Variants in SDK1 observed in about 807,000 individuals in gnomAD.
The protein encoded by SDK1 is sidekick cell adhesion molecule 1, also known as protein sidekick-1.
A neutral mutation model predicts 245.5 loss-of-function variants in SDK1; 157 were observed. The observed-to-expected ratio is 0.64, with a 90% CI of 0.56 to 0.73. The LOEUF (loss-of-function observed/expected upper bound fraction) is 0.73, where lower values mean the gene tolerates loss of function less well. Ranked by LOEUF, SDK1 falls within the 30% of genes least tolerant of loss-of-function variation. SDK1 has a pLI of 0.00. For missense variants in SDK1, 3,583 were observed against 3,002.3 expected (o/e 1.19, Z -4.52); for synonymous variants, 1,647 against 1,278.5 (o/e 1.29, Z -6.15).
chr7:4,083,787 T>TTTAC (rs1781251183), intron 22 of SDK1, among the ~76,000 whole-genome samples: 3 of 81,706 alleles, frequency 3.7e-5, no homozygotes, highest in Non-Finnish European at 5.5e-5. Context: ...TCCTCCCTCC[T>TTTAC]TTCCTCTCTC....
chr7:3,580,599 G>T (rs1230816559), intron 1 of SDK1, among the ~76,000 whole-genome samples: 1 of 151,990 alleles, frequency 6.6e-6, no homozygotes, highest in Non-Finnish European at 1.5e-5. Context: ...ATATGCAGGG[G>T]ATTTTTTTAC....
At position 4,195,434 on chromosome 7, in the gene SDK1, G is replaced by A. The variant is rs115648516; in HGVS notation, c.5099-10445G>A. On this transcript the variant is annotated intron_variant, in intron 35 of 44. Coordinates refer to ENST00000404826, the MANE Select transcript of SDK1 (RefSeq NM_152744.4). Reference sequence around the variant, plus strand: ...GTTTCTTGGGGCTCAGCTTTTCCCCGTCCCTCCCCCACGTCACTCTCCATC... The same window carrying A: ...GTTTCTTGGGGCTCAGCTTTTCCCCATCCCTCCCCCACGTCACTCTCCATC... 8.5e-3 allele frequency among the ~76,000 whole-genome samples: 1,290 copies of A among 152,038 alleles called. 18 individuals are homozygous for A. Among genetic ancestry groups the A allele is most frequent in the African/African-American group, 0.03 (1,237 of 41,460 alleles).
chr7:3,357,797 A>G (rs1780845932), intron 1 of SDK1, among the ~76,000 whole-genome samples: 4 of 152,156 alleles, frequency 2.6e-5, no homozygotes. Context: ...AAAACCAAAC[A>G]GTAAACTCTG....
chr7:4,206,961 C>T (rs1784258548), intron 36 of SDK1, among the ~76,000 whole-genome samples: 1 of 152,240 alleles, frequency 6.6e-6, no homozygotes, highest in Non-Finnish European at 1.5e-5. Flanking sequence ...GCCCCATGAG[C>T]TTGGAGGCAT....
intron 1 of SDK1, among the ~76,000 whole-genome samples, chr7:3,368,037 T>C (rs1781134328): frequency 6.6e-6 from 1 of 152,218 alleles, no homozygotes; most frequent in Admixed American, 6.5e-5. Flanking sequence ...AGATCTCTTA[T>C]TGCAGAAGTT....
chr7:3,350,195 C>T lies in SDK1; in HGVS notation c.298+48311C>T, dbSNP rs139895058. Among the ~76,000 whole-genome samples the T allele has an allele frequency of 1.1e-4, 17 of 152,234 alleles. No homozygotes were observed. The South Asian group carries it at 3.3e-3, about 30-fold the overall frequency. On this transcript the variant is annotated intron_variant, in intron 1 of 44. Transcript: ENST00000404826. ...AAGGAGAGAGTGGGAGACACTCAGT[C>T]TATCAGAAAACATAGGATGGATGTG... is the stretch of plus-strand genomic sequence containing the variant.
At chr7:3,388,072 C>T (rs780632477) in intron 1 of SDK1, among the ~76,000 whole-genome samples, 4 of 152,154 alleles carry the variant, frequency 2.6e-5, no homozygotes, top group Non-Finnish European at 5.9e-5. Flanking sequence ...AGATAGAAGG[C>T]ACTCTGGGAA....
chr7:3,495,992 C>G (rs537019660), intron 1 of SDK1, among the ~76,000 whole-genome samples: 1 of 152,086 alleles, frequency 6.6e-6, no homozygotes, highest in Non-Finnish European at 1.5e-5. Context: ...CTCAGTGGCC[C>G]GTCACTATAA....
Position 3,716,798 on chromosome 7 carries a change from C to A in SDK1, c.713+74693C>A, listed in dbSNP as rs190254414. Among the ~76,000 whole-genome samples, 364 of 150,296 alleles carry A rather than the reference C, an allele frequency of 2.4e-3. 2 individuals carry two copies. Among genetic ancestry groups the A allele is most frequent in the African/African-American group, 8.5e-3 (348 of 41,038 alleles). The stretch of plus-strand genomic sequence containing the variant: ...AAAAAAAAAAAGAAAAAGGAAAAAT[C>A]AAACTAAGGAAAAATCAGATAATGT... On this transcript the variant is annotated intron_variant, in intron 4 of 44. Coordinates refer to ENST00000404826, the MANE Select transcript of SDK1 (RefSeq NM_152744.4).
intron 35 of SDK1, among the ~76,000 whole-genome samples, chr7:4,193,993 G>A (rs1226039753): frequency 6.6e-6 from 1 of 152,112 alleles, no homozygotes; most frequent in Non-Finnish European, 1.5e-5. Flanking sequence ...AACAATTCAC[G>A]CCAAGGACTA....
intron 1 of SDK1, among the ~76,000 whole-genome samples, chr7:3,476,667 AAT>A (rs1410806716): frequency 6.6e-6 from 1 of 152,106 alleles, no homozygotes; most frequent in Non-Finnish European, 1.5e-5. Flanking sequence ...TTATATAGTT[AAT>A]TTTGTCAGTC....
intron 1 of SDK1, among the ~76,000 whole-genome samples, chr7:3,549,252 T>C (rs1779327135): frequency 6.6e-6 from 1 of 152,242 alleles, no homozygotes; most frequent in Non-Finnish European, 1.5e-5. Context: ...AGTTATAGTC[T>C]TCCTGTGAGG....
chr7:3,721,945 T>G (rs1778822446), intron 4 of SDK1, among the ~76,000 whole-genome samples: 1 of 152,236 alleles, frequency 6.6e-6, no homozygotes, highest in South Asian at 2.1e-4. Context: ...CTCTTTCCTT[T>G]CCTTTCCTTT....
intron 1 of SDK1, among the ~76,000 whole-genome samples, chr7:3,455,504 G>A (rs991245218): frequency 4.0e-5 from 6 of 151,360 alleles, no homozygotes; most frequent in African/African-American, 1.5e-4. Context: ...ATTGTTCAAT[G>A]GATGCCTATT....
chr7:3,911,740 TGGAGGAGGGAGGTCACACA>T (rs1779171832), intron 5 of SDK1, among the ~76,000 whole-genome samples: 1 of 152,102 alleles, frequency 6.6e-6, no homozygotes. Context: ...TATTAGGTGT[TGGAGGAGGGAGGTCACACA>T]GATGTGAAAA....
intron 33 of SDK1, among the ~76,000 whole-genome samples, chr7:4,175,231 T>C (rs1161760616): frequency 1.3e-5 from 2 of 152,192 alleles, no homozygotes; most frequent in Non-Finnish European, 2.9e-5. Context: ...GCAGCACTGG[T>C]GTCTGCACTG....
chr7:4,097,266 T>A (rs373329634), intron 22 of SDK1, among the ~76,000 whole-genome samples: 140 of 152,022 alleles, frequency 9.2e-4, no homozygotes, highest in African/African-American at 2.5e-3. Context: ...ACAGCTCCTG[T>A]ACGGCCAGGG....
chr7:4,145,588 G>C (rs1412254215), intron 28 of SDK1, 134 bp from the exon 29 acceptor site: 2 of 749,870 alleles, frequency 2.7e-6, no homozygotes, highest in South Asian at 1.9e-5. Context: ...CCCTTTCAGT[G>C]CACAGGCAGT....
intron 4 of SDK1, among the ~76,000 whole-genome samples, chr7:3,756,413 T>G (rs1779934048): frequency 6.6e-6 from 1 of 152,060 alleles, no homozygotes; most frequent in African/African-American, 2.4e-5. Context: ...CATTGATGTT[T>G]TGAACCTGAC....
Sources: gnomAD v4.1 joint callset for allele counts (sites outside exome capture counted in the v4.1 genomes callset) on GRCh38, gnomAD v4.1.1 for gene constraint, MANE v1.5 for transcripts, NCBI Gene and HGNC (gene_info 2026-07-23, HGNC 2026-07-21) for gene names.